The following HNF1A variants were observed in gnomAD, a reference collection of about 807,000 sequenced individuals.
HNF1A encodes hepatocyte nuclear factor 1-alpha.
A neutral mutation model predicts 62.2 loss-of-function variants in HNF1A; 21 were observed. That is an observed-to-expected ratio of 0.34 (90% CI 0.24 to 0.49). The LOEUF (loss-of-function observed/expected upper bound fraction) is 0.49, where lower values mean the gene tolerates loss of function less well. Among genes scored for constraint, HNF1A ranks in the 20% least tolerant of loss-of-function variants. HNF1A has a pLI of 0.99. For missense variants in HNF1A, 687 were observed against 832.3 expected (o/e 0.83, Z 2.15); for synonymous variants, 374 against 366.8 (o/e 1.02, Z -0.22).
chr12:121,001,600 GC>G lies in HNF1A; in HGVS notation c.*409del. Reference sequence around the variant, plus strand: ...ACTTCTCAGGACACAGGCCTGTGTAGCTGTGACCTGCTGAGCTCTGAGAGGC... The same window carrying G: ...ACTTCTCAGGACACAGGCCTGTGTAGTGTGACCTGCTGAGCTCTGAGAGGC... On this transcript the variant is annotated 3_prime_UTR_variant, in exon 10 of 10. Transcript: ENST00000257555. The G allele has an allele frequency of 2.3e-6, 1 of 440,358 alleles. No homozygotes were observed. Among genetic ancestry groups the G allele is most frequent in the Non-Finnish European group, 4.3e-6 (1 of 230,798 alleles). The allele number at this position is 440,358 out of a possible 1,614,324, so 27.3% of individuals were successfully genotyped here.
chr12:120,998,935 C>T (rs1050082025), intron 7 of HNF1A, among the ~76,000 whole-genome samples: 10 of 152,184 alleles, frequency 6.6e-5, no homozygotes, highest in Admixed American at 3.9e-4. Flanking sequence ...GCGCTTAGTA[C>T]GTAGCACCCG....
rs768802196 is a variant in HNF1A at position 120,996,970 on chromosome 12, T to C, written c.1309+228T>C. 1.7e-4 allele frequency: 261 copies of C among 1,503,532 alleles called. No individual in the cohort carries two copies. The highest frequency in any genetic ancestry group is 2.0e-4 in the Non-Finnish European group (220 of 1,107,886). The allele number at this position is 1,503,532 out of a possible 1,614,324, so 93.1% of individuals were successfully genotyped here. On this transcript the variant is annotated intron_variant, in intron 6 of 9. Coordinates refer to ENST00000257555, the MANE Select transcript of HNF1A (RefSeq NM_000545.8). This position sits in a 1 kb window ranked among gnomAD's most constrained non-coding sequence, Gnocchi z 4.5. ...GGAGGCAGGCACTAAGCATAATACA[T>C]CAATTCTGTGGTACCTCAGAAGGTG...
rs776528948 is a variant in HNF1A at position 120,997,616 on chromosome 12, G to A, written c.1452G>A (p.Val484=). 2 of 1,613,676 alleles carry A rather than the reference G, an allele frequency of 1.2e-6. No homozygotes were observed. The highest frequency in any genetic ancestry group is 1.7e-6 in the Non-Finnish European group (2 of 1,179,896). Residue 484 remains valine (V), a synonymous_variant, in exon 7 of 10, where the codon GTG becomes GTA. Transcript: ENST00000257555. Reference sequence around the variant, plus strand: ...TCATGCCACCTGTGCAGAGCCATGTGACCCAGAGCCCCTTCATGGCCACCA... The same window carrying A: ...TCATGCCACCTGTGCAGAGCCATGTAACCCAGAGCCCCTTCATGGCCACCA... The part of the protein sequence containing the change: ...QPLMPPVQSH[V]TQSPFMATMA...
At position 120,994,316 on chromosome 12, in the gene HNF1A, C is replaced by G. The variant is rs267603343; in HGVS notation, c.866C>G (p.Pro289Arg). 2.5e-6 allele frequency: 4 copies of G among 1,610,342 alleles called. No homozygotes were observed. The highest frequency in any genetic ancestry group is 1.7e-5 in the Admixed American group (1 of 59,302). ...HKLAMDTYSG[P>R]PPGPGPGPAL... Reference sequence around the variant, plus strand: ...CTGGCCATGGACACGTACAGCGGGCCCCCCCCAGGGCCAGGCCCGGGACCT... The same window carrying G: ...CTGGCCATGGACACGTACAGCGGGCGCCCCCCAGGGCCAGGCCCGGGACCT... The change falls in exon 4 of 10, where the codon CCC becomes CGC. Residue 289 changes from proline (P) to arginine (R), a missense_variant. Pro to Arg is a moderately radical substitution (Grantham distance 103). Coordinates refer to ENST00000257555, the MANE Select transcript of HNF1A (RefSeq NM_000545.8).
rs1232986316 is a variant in HNF1A, at chr12:120,988,855, A to C, written c.349A>C (p.Lys117Gln). The change falls in exon 2 of 10, where the codon AAG becomes CAG. Residue 117 changes from lysine to glutamine, a missense_variant. By Grantham distance (53) the Lys-to-Gln change is moderately conservative. Coordinates refer to ENST00000257555, the MANE Select transcript of HNF1A (RefSeq NM_000545.8). ...LLQEDPWRVA[K>Q]MVKSYLQQHN... ...CAGGGAGGACCCGTGGCGTGTGGCG[A>C]AGATGGTCAAGTCCTACCTGCAGCA... 1 of 1,614,240 alleles carries C rather than the reference A, an allele frequency of 6.2e-7. No individual in the cohort carries two copies. The highest frequency in any genetic ancestry group is 1.7e-5 in the Admixed American group (1 of 60,032).
intron 2 of HNF1A, among the ~76,000 whole-genome samples, chr12:120,991,219 G>A (rs1343965582): frequency 6.6e-6 from 1 of 152,110 alleles, no homozygotes; most frequent in African/African-American, 2.4e-5. Flanking sequence ...TAAAATCTTG[G>A]GTACATATTG....
At chr12:120,995,887 C>T in intron 4 of HNF1A, among the ~76,000 whole-genome samples, 1 of 152,242 alleles carries the variant, frequency 6.6e-6, no homozygotes, top group East Asian at 1.9e-4. Context: ...CCACTCAACT[C>T]AACCTAAGTT....
chr12:120,983,652 C>T (rs1346097547), intron 1 of HNF1A, among the ~76,000 whole-genome samples: 1 of 151,330 alleles, frequency 6.6e-6, no homozygotes, highest in Non-Finnish European at 1.5e-5. Flanking sequence ...TTCAAGTGAT[C>T]CTCCTGCCTC....
chr12:120,999,562 C>G lies in HNF1A; in HGVS notation c.1703C>G (p.Pro568Arg), dbSNP rs144674840. 6.2e-7 allele frequency: 1 copy of G among 1,612,984 alleles called. No individual in the cohort carries two copies. Among genetic ancestry groups the G allele is most frequent in the Non-Finnish European group, 8.5e-7 (1 of 1,179,852 alleles). ...TCTCAGGCCACCACCCTCCACGTCC[C>G]CAGCCAGGACCCTGCCAGCATCCAG... Reference protein sequence around the residue: ...PASQATTLHVPSQDPASIQHL... With the variant: ...PASQATTLHVRSQDPASIQHL... Residue 568 changes from proline (P) to arginine (R), a missense_variant, in exon 9 of 10, where the codon CCC becomes CGC. Pro to Arg is a moderately radical substitution (Grantham distance 103). Around this residue, in one of 5 missense-constraint regions of HNF1A, gnomAD observed 408 missense variants for 455.3 expected, o/e 0.90. Coordinates refer to ENST00000257555, the MANE Select transcript of HNF1A (RefSeq NM_000545.8).
At chr12:121,000,838 T>G (rs1877408797) in intron 9 of HNF1A, 1 of 579,152 alleles carries the variant, frequency 1.7e-6, no homozygotes, top group South Asian at 1.9e-5. Context: ...GCTTCTCCAG[T>G]GTTCACACTA....
rs1365094716 is a variant in HNF1A at position 120,990,606 on chromosome 12, GGGAGGAAAGATAGGAA to G, written c.526+1575_526+1590del. On this transcript the variant is annotated intron_variant, in intron 2 of 9. Transcript: ENST00000257555. ...GAAAGAAAGGAAAGATGATAGGAAA[GGGAGGAAAGATAGGAA>G]AGGGAGGAAAGATAGGAAAGGGAGG... Among the ~76,000 whole-genome samples the G allele has an allele frequency of 5.9e-5, 7 of 119,568 alleles. No homozygotes were observed. In the South Asian group the frequency reaches 1.1e-3, roughly 19 times the overall value. 78.4% of individuals were successfully genotyped at this position (119,568 alleles called of 152,430 possible).
In HNF1A at chr12:121,001,331, T is replaced by C; in HGVS notation, c.*139T>C. On this transcript the variant is annotated 3_prime_UTR_variant, in exon 10 of 10. Coordinates refer to ENST00000257555, the MANE Select transcript of HNF1A (RefSeq NM_000545.8). ...AGCTGTGCCTCGCTCCCCACTCTGC[T>C]CTGATGCATCAGAAAGGGAGGGCTC... is the stretch of plus-strand genomic sequence containing the variant. 2.8e-6 allele frequency: 3 copies of C among 1,064,190 alleles called. No homozygotes were observed. Among genetic ancestry groups the C allele is most frequent in the Non-Finnish European group, 4.1e-6 (3 of 729,800 alleles). The allele number at this position is 1,064,190 out of a possible 1,614,324, so 65.9% of individuals were successfully genotyped here.
At chr12:120,983,310 A>C (rs1466338397) in intron 1 of HNF1A, among the ~76,000 whole-genome samples, 2 of 152,206 alleles carry the variant, frequency 1.3e-5, no homozygotes, top group Non-Finnish European at 2.9e-5. Flanking sequence ...ACTGTGCACC[A>C]GGCATTGCCC....
chr12:120,990,279 C>A (rs1452127490), intron 2 of HNF1A, among the ~76,000 whole-genome samples: 1 of 152,026 alleles, frequency 6.6e-6, no homozygotes, highest in African/African-American at 2.4e-5. Context: ...GTAGCTGGGA[C>A]TACAGGTGCC....
intron 1 of HNF1A, among the ~76,000 whole-genome samples, chr12:120,983,612 CT>C (rs1876359854): frequency 6.6e-6 from 1 of 150,666 alleles, no homozygotes; most frequent in Non-Finnish European, 1.5e-5. Flanking sequence ...GTGGCGCAGT[CT>C]TGGCTCATTG....
chr12:120,999,540 C>T lies in HNF1A; in HGVS notation c.1681C>T (p.Gln561Ter). 1 of 1,613,280 alleles carries T rather than the reference C, an allele frequency of 6.2e-7. No individual in the cohort carries two copies. Among genetic ancestry groups the T allele is most frequent in the Non-Finnish European group, 8.5e-7 (1 of 1,179,878 alleles). Residue 561 changes from glutamine to a stop codon, truncating the protein, a stop_gained, in exon 9 of 10, where the codon CAG (glutamine) becomes TAG (stop). Coordinates refer to ENST00000257555, the MANE Select transcript of HNF1A (RefSeq NM_000545.8). LOFTEE classifies it high-confidence loss of function. ...SESGLHTPAS[Q>*]ATTLHVPSQD... is the part of the protein sequence containing the mutation. ...GTCCGGGCTTCACACGCCGGCATCT[C>T]AGGCCACCACCCTCCACGTCCCCAG...
intron 2 of HNF1A, among the ~76,000 whole-genome samples, chr12:120,991,234 A>G (rs1363866727): frequency 6.6e-6 from 1 of 152,226 alleles, no homozygotes; most frequent in Non-Finnish European, 1.5e-5. Flanking sequence ...ATATTGGCAT[A>G]GTTCCTTCCA....
chr12:121,001,523 CA>C lies in HNF1A; in HGVS notation c.*332del, dbSNP rs1877483413. On this transcript the variant is annotated 3_prime_UTR_variant, in exon 10 of 10. Coordinates refer to ENST00000257555, the MANE Select transcript of HNF1A (RefSeq NM_000545.8). ...GGGCGGCCTATGACTTGGGCACCCC[CA>C]GCCTGGGCCTATGGAGAGCCCTGGG... The C allele has an allele frequency of 2.2e-6, 1 of 452,452 alleles. No individual in the cohort carries two copies. The highest frequency in any genetic ancestry group is 4.2e-6 in the Non-Finnish European group (1 of 240,478). 28.0% of individuals were successfully genotyped at this position (452,452 alleles called of 1,614,324 possible). A position where few individuals can be genotyped will look rare whatever the true frequency, so the allele number is the denominator to read the frequency against.
rs55892382 is a variant in HNF1A at position 121,000,381 on chromosome 12, G to A, written c.1769-684G>A. 2.9e-3 allele frequency: 466 copies of A among 160,646 alleles called. 1 individual carries two copies. Among genetic ancestry groups the A allele is most frequent in the African/African-American group, 0.01 (431 of 41,586 alleles). 10.0% of individuals were successfully genotyped at this position (160,646 alleles called of 1,614,324 possible). On this transcript the variant is annotated intron_variant, in intron 9 of 9. Transcript: ENST00000257555. ...ATGAGAAAGTGGACACTCAAGGAGG[G>A]GAGGGACTTGCCTCATCTCCCACAG...
Sources: allele counts gnomAD v4.1 joint callset (sites outside exome capture counted in the v4.1 genomes callset), GRCh38; gene constraint gnomAD v4.1.1; regional missense constraint gnomAD v4.1.1; non-coding constraint Gnocchi (gnomAD v3.1); transcripts MANE v1.5; gene names NCBI Gene and HGNC (gene_info 2026-07-23, HGNC 2026-07-21).